The following WDFY2 variants were observed in gnomAD, a reference collection of about 807,000 sequenced individuals.
WDFY2 encodes WD repeat and FYVE domain-containing protein 2.
WDFY2 carries 36 observed loss-of-function variants against 56.4 expected under a neutral mutation model. That is an observed-to-expected ratio of 0.64 (90% CI 0.49 to 0.84). The LOEUF is 0.84. Among genes scored for constraint, WDFY2 ranks in the 40% least tolerant of loss-of-function variants. The probability of loss-of-function intolerance (pLI) is 0.00; values close to 1 mark genes in which losing one functional copy is unlikely to be tolerated. For missense variants in WDFY2, 444 were observed against 512.2 expected (o/e 0.87, Z 1.29); for synonymous variants, 176 against 183.7 (o/e 0.96, Z 0.34).
intron 6 of WDFY2, among the ~76,000 whole-genome samples, chr13:51,738,001 A>G (rs1952879607): frequency 6.6e-6 from 1 of 152,112 alleles, no homozygotes; most frequent in African/African-American, 2.4e-5. Context: ...GAAGAGTCAT[A>G]TGACAAATAA....
At chr13:51,585,290 A>G (rs1354991162) in intron 1 of WDFY2, among the ~76,000 whole-genome samples, 1 of 152,232 alleles carries the variant, frequency 6.6e-6, no homozygotes, top group Non-Finnish European at 1.5e-5. Context: ...CTTCCCAGAC[A>G]TTCCTACTGA....
chr13:51,748,299 G>A (rs1228517577), intron 7 of WDFY2, among the ~76,000 whole-genome samples: 6 of 152,242 alleles, frequency 3.9e-5, no homozygotes, highest in South Asian at 2.1e-4. Context: ...GAGCCAACGC[G>A]TTAGTGATAA....
intron 4 of WDFY2, among the ~76,000 whole-genome samples, chr13:51,704,555 A>G (rs557109154): frequency 6.6e-6 from 1 of 152,326 alleles, no homozygotes; most frequent in East Asian, 1.9e-4. Flanking sequence ...GAAACTGAGT[A>G]CAATCTCTCT....
At chr13:51,641,519 A>G (rs976535898) in intron 1 of WDFY2, among the ~76,000 whole-genome samples, 2 of 151,606 alleles carry the variant, frequency 1.3e-5, no homozygotes, top group Non-Finnish European at 2.9e-5. Context: ...AGAGGTCTGC[A>G]TGCATTCCTA....
Position 51,759,796 on chromosome 13 carries a change from G to T in WDFY2, c.*27G>T, listed in dbSNP as rs370322938. On this transcript the variant is annotated 3_prime_UTR_variant, in exon 12 of 12. Transcript: ENST00000298125. ...GACTCTCCCAGGAATCAGAAAGATA[G>T]TATTTACTAAAGAAACGGTTGTTTT... 6.2e-7 allele frequency: 1 copy of T among 1,612,212 alleles called. No individual in the cohort carries two copies. The highest frequency in any genetic ancestry group is 8.5e-7 in the Non-Finnish European group (1 of 1,178,626).
intron 1 of WDFY2, among the ~76,000 whole-genome samples, chr13:51,596,779 G>A (rs1224137974): frequency 6.6e-6 from 1 of 152,180 alleles, no homozygotes; most frequent in African/African-American, 2.4e-5. Context: ...GATCTGAGGG[G>A]GTCTTATCTC....
rs114888157 is a variant in WDFY2, at chr13:51,756,861, G to A, written c.1064+399G>A. On this transcript the variant is annotated intron_variant, in intron 10 of 11. Transcript: ENST00000298125. ...ATGGGTCCAGAAGGTTTCATTTTCC[G>A]GGAAGAGCTAAGTCGCTTTACCCAA... Among the ~76,000 whole-genome samples, 673 of 152,258 alleles carry A rather than the reference G, an allele frequency of 4.4e-3. 3 individuals carry two copies. Among genetic ancestry groups the A allele is most frequent in the African/African-American group, 0.016 (654 of 41,536 alleles).
At chr13:51,621,294 C>G (rs562759859) in intron 1 of WDFY2, among the ~76,000 whole-genome samples, 1 of 152,294 alleles carries the variant, frequency 6.6e-6, no homozygotes, top group Non-Finnish European at 1.5e-5. Flanking sequence ...CACCTGAGAT[C>G]AAGAGTCCGA....
intron 3 of WDFY2, among the ~76,000 whole-genome samples, chr13:51,701,164 G>C (rs1350559769): frequency 2.0e-5 from 3 of 152,138 alleles, no homozygotes; most frequent in African/African-American, 4.8e-5. Context: ...GGTATCACAA[G>C]GGATTTTTAG....
rs1953525307 is a variant in WDFY2 at position 51,759,835 on chromosome 13, A to C, written c.*66A>C. The stretch of plus-strand genomic sequence containing the variant: ...AACGGTTGTTTTAACCCAAATCATT[A>C]CCAGAGTGGTAAAGCAGACATGTGA... On this transcript the variant is annotated 3_prime_UTR_variant, in exon 12 of 12. Transcript: ENST00000298125. 6.6e-7 allele frequency: 1 copy of C among 1,511,972 alleles called. No individual in the cohort carries two copies. Among genetic ancestry groups the C allele is most frequent in the African/African-American group, 1.4e-5 (1 of 72,502 alleles). The allele number at this position is 1,511,972 out of a possible 1,614,324, so 93.7% of individuals were successfully genotyped here.
intron 1 of WDFY2, among the ~76,000 whole-genome samples, chr13:51,651,102 G>A (rs1431149519): frequency 6.6e-6 from 1 of 152,076 alleles, no homozygotes; most frequent in Non-Finnish European, 1.5e-5. Flanking sequence ...GCCTCTTATT[G>A]GTCTATTCAG....
intron 1 of WDFY2, among the ~76,000 whole-genome samples, chr13:51,613,324 G>A (rs1374179548): frequency 6.6e-6 from 1 of 152,180 alleles, no homozygotes; most frequent in Non-Finnish European, 1.5e-5. Context: ...CCATCCTGGA[G>A]AGGACCTCTG....
At chr13:51,626,020 A>G (rs946672775) in intron 1 of WDFY2, among the ~76,000 whole-genome samples, 2 of 152,246 alleles carry the variant, frequency 1.3e-5, no homozygotes, top group Non-Finnish European at 2.9e-5. Context: ...GCAGCCAAGC[A>G]TGGCCTGCTG....
At chr13:51,754,850 C>A (rs1268598395) in intron 8 of WDFY2, among the ~76,000 whole-genome samples, 1 of 152,206 alleles carries the variant, frequency 6.6e-6, no homozygotes, top group African/African-American at 2.4e-5. Flanking sequence ...ATATATTGAA[C>A]ATGTTCCATG....
At chr13:51,719,037 C>T (rs1799864480) in intron 4 of WDFY2, among the ~76,000 whole-genome samples, 161 bp from the exon 5 acceptor site, 1 of 152,172 alleles carries the variant, frequency 6.6e-6, no homozygotes, top group African/African-American at 2.4e-5. Flanking sequence ...GGAATACCCC[C>T]AACCCCCACG....
chr13:51,593,577 T>A (rs919124010), intron 1 of WDFY2, among the ~76,000 whole-genome samples: 25 of 152,330 alleles, frequency 1.6e-4, no homozygotes, highest in Admixed American at 5.2e-4. Context: ...ATTTTAAAAT[T>A]CTTTTTCATA....
At chr13:51,626,520 A>G (rs1242139252) in intron 1 of WDFY2, among the ~76,000 whole-genome samples, 1 of 152,244 alleles carries the variant, frequency 6.6e-6, no homozygotes, top group Non-Finnish European at 1.5e-5. Flanking sequence ...GGTTCACTCC[A>G]TAAATTTTGA....
chr13:51,688,479 A>C (rs78364568), intron 3 of WDFY2, among the ~76,000 whole-genome samples: 1 of 152,316 alleles, frequency 6.6e-6, no homozygotes, highest in Non-Finnish European at 1.5e-5. Flanking sequence ...AGACAGATCC[A>C]CATTTTAAGT....
chr13:51,741,045 C>T (rs779070255), intron 7 of WDFY2, among the ~76,000 whole-genome samples: 13 of 152,078 alleles, frequency 8.5e-5, no homozygotes, highest in East Asian at 1.9e-4. Flanking sequence ...CAGTTTGTTA[C>T]GAAAGGAAAA....
Sources: gnomAD v4.1 joint callset for allele counts (sites outside exome capture counted in the v4.1 genomes callset) on GRCh38, gnomAD v4.1.1 for gene constraint, MANE v1.5 for transcripts, NCBI Gene and HGNC (gene_info 2026-07-23, HGNC 2026-07-21) for gene names.